The following ASIC2 variants were observed in gnomAD, a reference collection of about 807,000 sequenced individuals.
ASIC2 encodes acid-sensing ion channel 2.
In ASIC2, 25 loss-of-function variants were observed where a neutral mutation model predicts 57.3. The ratio of observed to expected loss-of-function variants is 0.44; its 90% CI spans 0.32 to 0.61. The LOEUF is 0.61. ASIC2 is among the 20% of genes least tolerant of loss of function. The pLI is 0.06. For missense variants in ASIC2, 641 were observed against 738.1 expected (o/e 0.87, Z 1.52); for synonymous variants, 319 against 307.5 (o/e 1.04, Z -0.39).
intron 1 of ASIC2, among the ~76,000 whole-genome samples, chr17:33,120,605 G>A (rs984908636): frequency 6.6e-6 from 1 of 152,160 alleles, no homozygotes; most frequent in African/African-American, 2.4e-5. Context: ...TCCCAAATTT[G>A]GTCTGACTTG....
In ASIC2 at chr17:33,562,839, C is replaced by T. The variant is rs1916117248; in HGVS notation, c.556-450772G>A. ...AGCAAGGGGCTGGATGGGTGGCTGC[C>T]TCTGATGACATGTGGATCCCACACT... On this transcript the variant is annotated intron_variant, in intron 1 of 9. Transcript: ENST00000359872. 4.6e-5 allele frequency among the ~76,000 whole-genome samples: 7 copies of T among 152,276 alleles called. No individual in the cohort carries two copies. The South Asian group carries it at 1.2e-3, about 27-fold the overall frequency.
At chr17:33,493,152 C>G (rs1462746828) in intron 1 of ASIC2, among the ~76,000 whole-genome samples, 1 of 152,142 alleles carries the variant, frequency 6.6e-6, no homozygotes, top group African/African-American at 2.4e-5. Flanking sequence ...GCCCAGCAAA[C>G]AAAGGGGAGT....
At chr17:33,307,244 TTCC>T (rs1567817870) in intron 1 of ASIC2, among the ~76,000 whole-genome samples, 6 of 151,688 alleles carry the variant, frequency 4.0e-5, no homozygotes, top group African/African-American at 7.3e-5. Context: ...CTTCTTCTTC[TTCC>T]TCCTCCTCCT....
chr17:34,049,826 C>G (rs188040041), intron 1 of ASIC2, among the ~76,000 whole-genome samples: 1 of 152,150 alleles, frequency 6.6e-6, no homozygotes, highest in Non-Finnish European at 1.5e-5. Context: ...TCCAGCAAAC[C>G]TGCTCCACGG....
chr17:33,453,556 A>G (rs1256416501), intron 1 of ASIC2, among the ~76,000 whole-genome samples: 1 of 152,196 alleles, frequency 6.6e-6, no homozygotes, highest in Non-Finnish European at 1.5e-5. Flanking sequence ...TGAAGGTTTT[A>G]CAATTTTATA....
chr17:34,018,888 G>A (rs1163095197), intron 1 of ASIC2, among the ~76,000 whole-genome samples: 1 of 151,984 alleles, frequency 6.6e-6, no homozygotes, highest in Non-Finnish European at 1.5e-5. Context: ...TTATAGATGA[G>A]CAAATAAAGT....
intron 3 of ASIC2, among the ~76,000 whole-genome samples, chr17:33,030,197 T>A (rs1015764972): frequency 6.6e-6 from 1 of 152,206 alleles, no homozygotes; most frequent in Non-Finnish European, 1.5e-5. Flanking sequence ...TAGAAGTGTA[T>A]ACACCCTTGT....
At chr17:33,538,471 C>T (rs979153135) in intron 1 of ASIC2, among the ~76,000 whole-genome samples, 1 of 152,150 alleles carries the variant, frequency 6.6e-6, no homozygotes, top group African/African-American at 2.4e-5. Flanking sequence ...AGACTTACAG[C>T]ATGGAGGAGA....
At chr17:33,894,755 A>T (rs1597920166) in intron 1 of ASIC2, among the ~76,000 whole-genome samples, 1 of 152,194 alleles carries the variant, frequency 6.6e-6, no homozygotes, top group Non-Finnish European at 1.5e-5. Flanking sequence ...TTTTCAGCTT[A>T]GCCTTAAGTT....
At chr17:33,081,299 C>G (rs2141958444) in intron 3 of ASIC2, among the ~76,000 whole-genome samples, 2 of 152,334 alleles carry the variant, frequency 1.3e-5, no homozygotes, top group South Asian at 4.1e-4. Context: ...GAAGATATTA[C>G]TACTTTAGAT....
At chr17:33,564,032 G>C (rs1478875694) in intron 1 of ASIC2, among the ~76,000 whole-genome samples, 1 of 152,200 alleles carries the variant, frequency 6.6e-6, no homozygotes, top group Non-Finnish European at 1.5e-5. Flanking sequence ...GGAACCAGGA[G>C]CTCCCTGCAG....
At chr17:34,077,810 T>C (rs1909727563) in intron 1 of ASIC2, among the ~76,000 whole-genome samples, 1 of 151,976 alleles carries the variant, frequency 6.6e-6, no homozygotes, top group Admixed American at 6.6e-5. Flanking sequence ...CGTCCCAGCC[T>C]CTCTGAAGAA....
intron 1 of ASIC2, among the ~76,000 whole-genome samples, chr17:33,848,985 G>A (rs1913688970): frequency 6.6e-6 from 1 of 152,238 alleles, no homozygotes; most frequent in Non-Finnish European, 1.5e-5. Context: ...TACCTAGGAA[G>A]AGGCAGATCC....
chr17:33,461,960 G>A (rs901397747), intron 1 of ASIC2, among the ~76,000 whole-genome samples: 16 of 152,196 alleles, frequency 1.1e-4, no homozygotes, highest in African/African-American at 3.9e-4. Flanking sequence ...ACCTACATGT[G>A]CCACTGTGTC....
At chr17:33,780,256 C>A (rs1328290632) in intron 1 of ASIC2, among the ~76,000 whole-genome samples, 1 of 152,138 alleles carries the variant, frequency 6.6e-6, no homozygotes, top group African/African-American at 2.4e-5. Flanking sequence ...CAGGGGTCAG[C>A]CACCACACCT....
intron 1 of ASIC2, among the ~76,000 whole-genome samples, chr17:33,165,821 G>A (rs1418731844): frequency 1.3e-5 from 2 of 152,172 alleles, no homozygotes; most frequent in East Asian, 1.9e-4. Context: ...AGGACTTACT[G>A]AGGCATTCCC....
At chr17:33,161,098 TATAATAGAAG>T (rs1905147824) in intron 1 of ASIC2, among the ~76,000 whole-genome samples, 2 of 152,166 alleles carry the variant, frequency 1.3e-5, no homozygotes, top group African/African-American at 4.8e-5. Flanking sequence ...CATCTATTGT[TATAATAGAAG>T]ATAAAGGCCT....
intron 1 of ASIC2, among the ~76,000 whole-genome samples, chr17:33,827,337 C>CCTTTTTTTTTTTTTTT (rs1912954044): frequency 1.3e-5 from 1 of 76,536 alleles, no homozygotes; most frequent in Non-Finnish European, 2.6e-5. Flanking sequence ...GCAGCTCACT[C>CCTTTTTTTTTTTTTTT]TTTTTTTTTT....
intron 1 of ASIC2, among the ~76,000 whole-genome samples, chr17:33,476,172 G>A (rs1342879163): frequency 1.3e-5 from 2 of 152,184 alleles, no homozygotes; most frequent in East Asian, 1.9e-4. Flanking sequence ...GGACCTAACC[G>A]GAGGACCTAT....
Sources: allele counts gnomAD v4.1 joint callset (sites outside exome capture counted in the v4.1 genomes callset), GRCh38; gene constraint gnomAD v4.1.1; transcripts MANE v1.5; gene names NCBI Gene and HGNC (gene_info 2026-07-23, HGNC 2026-07-21).